The following NFATC3 variants were observed in gnomAD, a reference collection of about 807,000 sequenced individuals.
NFATC3 encodes nuclear factor of activated T-cells, cytoplasmic 3.
Under a neutral mutation model 98.6 loss-of-function variants are expected in NFATC3, and 46 were observed. The ratio of observed to expected loss-of-function variants is 0.47; its 90% CI spans 0.37 to 0.60. The LOEUF (loss-of-function observed/expected upper bound fraction) is 0.60. NFATC3 is among the 20% of genes least tolerant of loss of function. NFATC3 has a pLI of 0.00. For synonymous variants in NFATC3, 512 were observed against 472.2 expected (o/e 1.08, Z -1.09); for missense variants, 1,256 against 1,295.5 (o/e 0.97, Z 0.47).
At chr16:68,096,013 G>A (rs764489397) in intron 1 of NFATC3, among the ~76,000 whole-genome samples, 57 of 151,988 alleles carry the variant, frequency 3.8e-4, no homozygotes, top group Non-Finnish European at 5.6e-4. Context: ...TTTGAGACAG[G>A]GTCTCACTTT....
At chr16:68,132,288 G>A (rs2037152622) in intron 3 of NFATC3, among the ~76,000 whole-genome samples, 1 of 152,156 alleles carries the variant, frequency 6.6e-6, no homozygotes, top group Admixed American at 6.5e-5. Flanking sequence ...GATAGAGGAT[G>A]GAGGGTGGGG....
chr16:68,131,702 G>C (rs1003921645), intron 3 of NFATC3, among the ~76,000 whole-genome samples: 1 of 149,964 alleles, frequency 6.7e-6, no homozygotes, highest in Non-Finnish European at 1.5e-5. Context: ...TGCCCAGTTT[G>C]GTCTTGAACT....
In NFATC3 at chr16:68,150,493, G is replaced by A. The variant is rs923987162; in HGVS notation, c.1402-7376G>A. On this transcript the variant is annotated intron_variant, in intron 3 of 9. Transcript: ENST00000346183. Reference sequence around the variant, plus strand: ...GCTACTCTAGAGACTGAAGTGGAAGGATCCTTTGAGCCCAGAAACTCAGGG... The same window carrying A: ...GCTACTCTAGAGACTGAAGTGGAAGAATCCTTTGAGCCCAGAAACTCAGGG... 3.3e-5 allele frequency among the ~76,000 whole-genome samples: 5 copies of A among 151,094 alleles called. 1 individual carries two copies. Among genetic ancestry groups the A allele is most frequent in the Non-Finnish European group, 7.4e-5 (5 of 67,906 alleles).
intron 3 of NFATC3, among the ~76,000 whole-genome samples, chr16:68,154,561 G>A (rs114739995): frequency 0.038 from 5,756 of 152,244 alleles, 119 homozygotes; most frequent in Middle Eastern, 0.15. Flanking sequence ...AGTATAGGAT[G>A]TAGACAAGCA....
intron 3 of NFATC3, among the ~76,000 whole-genome samples, chr16:68,142,861 T>C (rs1207085609): frequency 2.0e-5 from 3 of 152,190 alleles, no homozygotes; most frequent in Non-Finnish European, 4.4e-5. Context: ...CTTCTTCTTT[T>C]CCAACTTAAA....
chr16:68,115,428 GT>G lies in NFATC3; in HGVS notation c.104-6551del, dbSNP rs1291169434. ...TTTATTTTCTTTGTTTTTTGTTTTT[GT>G]TTTTTTTGAGAGACGGAGTCTTGCT... On this transcript the variant is annotated intron_variant, in intron 1 of 9. Coordinates refer to ENST00000346183, the MANE Select transcript of NFATC3 (RefSeq NM_173165.3). Among the ~76,000 whole-genome samples the G allele has an allele frequency of 5.3e-5, 8 of 151,390 alleles. No individual in the cohort carries two copies. The East Asian group carries it at 5.8e-4, about 11-fold the overall frequency.
At position 68,158,016 on chromosome 16, in the gene NFATC3, A is replaced by T. The variant is rs138244468; in HGVS notation, c.1549A>T (p.Ser517Cys). The change falls in exon 4 of 10, where the codon AGT (serine) becomes TGT (cysteine). Residue 517 changes from serine (S) to cysteine (C), a missense_variant. This residue lies in a region of NFATC3 where 156 missense variants were observed against 212.4 expected (regional missense o/e 0.73). Coordinates refer to ENST00000346183, the MANE Select transcript of NFATC3 (RefSeq NM_173165.3). Reference sequence around the variant, plus strand: ...TGCAAGCCAAGAGATAATAATTGCCAGTACAAAAGTTCTGGAAATTCCACT... The same window carrying T: ...TGCAAGCCAAGAGATAATAATTGCCTGTACAAAAGTTCTGGAAATTCCACT... ...ATASQEIIIA[S>C]TKVLEIPLLP... 6.2e-7 allele frequency: 1 copy of T among 1,613,566 alleles called. No homozygotes were observed. The highest frequency in any genetic ancestry group is 1.3e-5 in the African/African-American group (1 of 74,934).
At chr16:68,155,410 A>G (rs1190836582) in intron 3 of NFATC3, among the ~76,000 whole-genome samples, 1 of 152,236 alleles carries the variant, frequency 6.6e-6, no homozygotes, top group East Asian at 1.9e-4. Context: ...CAAAAGACCC[A>G]AGATCTAGTA....
intron 5 of NFATC3, among the ~76,000 whole-genome samples, chr16:68,173,961 C>T (rs1450711891): frequency 2.0e-5 from 3 of 151,792 alleles, no homozygotes; most frequent in Non-Finnish European, 2.9e-5. Flanking sequence ...CCAGGCTGGA[C>T]GACAAAGTGA....
At chr16:68,181,415 T>G in intron 6 of NFATC3, 60 bp from the exon 7 acceptor site, 1 of 1,259,382 alleles carries the variant, frequency 7.9e-7, no homozygotes, top group Non-Finnish European at 1.2e-6. Context: ...ATGCATTAGA[T>G]TTTGTCTGTA....
rs1045456114 is a variant in NFATC3, at chr16:68,228,769, G to A, written c.*2298G>A. Reference sequence around the variant, plus strand: ...CTAGCAGCACTGAGCAACTGGGCACGTGCTAGTACGCACCCCCTCCTACTC... The same window carrying A: ...CTAGCAGCACTGAGCAACTGGGCACATGCTAGTACGCACCCCCTCCTACTC... On this transcript the variant is annotated 3_prime_UTR_variant, in exon 10 of 10. Transcript: ENST00000346183. 4.6e-5 allele frequency: 7 copies of A among 152,552 alleles called. No individual in the cohort carries two copies. Among genetic ancestry groups the A allele is most frequent in the Admixed American group, 2.6e-4 (4 of 15,284 alleles). 9.4% of individuals were successfully genotyped at this position (152,552 alleles called of 1,614,324 possible). A position where few individuals can be genotyped will look rare whatever the true frequency, so the allele number is the denominator to read the frequency against.
chr16:68,101,238 G>A (rs775813408), intron 1 of NFATC3, among the ~76,000 whole-genome samples: 3 of 151,842 alleles, frequency 2.0e-5, no homozygotes, highest in Non-Finnish European at 4.4e-5. Flanking sequence ...AACCTCCTGG[G>A]CTCAAGCTAT....
intron 4 of NFATC3, among the ~76,000 whole-genome samples, chr16:68,160,926 C>T (rs1377112135): frequency 6.6e-6 from 1 of 150,746 alleles, no homozygotes; most frequent in East Asian, 1.9e-4. Context: ...CTCAAGCAGT[C>T]CACCCGCTTT....
intron 3 of NFATC3, among the ~76,000 whole-genome samples, chr16:68,147,082 C>T (rs989805832): frequency 6.6e-6 from 1 of 152,070 alleles, no homozygotes; most frequent in Non-Finnish European, 1.5e-5. Flanking sequence ...AATATATTCC[C>T]TTTGAAATCT....
At chr16:68,212,181 T>G (rs1652747593) in intron 9 of NFATC3, among the ~76,000 whole-genome samples, 1 of 152,234 alleles carries the variant, frequency 6.6e-6, no homozygotes, top group African/African-American at 2.4e-5. Flanking sequence ...CACTGTAATC[T>G]TTAAATCACC....
chr16:68,156,747 T>C (rs116159064), intron 3 of NFATC3, among the ~76,000 whole-genome samples: 7,456 of 152,216 alleles, frequency 0.049, 526 homozygotes, highest in African/African-American at 0.16. Flanking sequence ...CAGATCGCCC[T>C]GGCCAGCATG....
At chr16:68,163,789 A>G (rs1285675407) in intron 4 of NFATC3, among the ~76,000 whole-genome samples, 2 of 143,790 alleles carry the variant, frequency 1.4e-5, no homozygotes, top group Non-Finnish European at 3.0e-5. Flanking sequence ...GGCGCTCCCC[A>G]CATCTCAGAC....
intron 1 of NFATC3, among the ~76,000 whole-genome samples, chr16:68,121,104 T>C (rs1351376512): frequency 2.0e-5 from 3 of 151,002 alleles, no homozygotes; most frequent in African/African-American, 7.3e-5. Context: ...AAAAAAAAAA[T>C]CCAAAATCCC....
At chr16:68,136,539 G>A (rs556915532) in intron 3 of NFATC3, among the ~76,000 whole-genome samples, 8 of 152,280 alleles carry the variant, frequency 5.3e-5, no homozygotes, top group African/African-American at 1.7e-4. Context: ...AAAGTGCTAG[G>A]ATTATAGGTG....
Sources: allele counts gnomAD v4.1 joint callset (sites outside exome capture counted in the v4.1 genomes callset), GRCh38; gene constraint gnomAD v4.1.1; regional missense constraint gnomAD v4.1.1; transcripts MANE v1.5; gene names NCBI Gene and HGNC (gene_info 2026-07-23, HGNC 2026-07-21).